SEC24D: variants seen among roughly 807,000 people sequenced by gnomAD.
SEC24D encodes the protein SEC24 homolog D, COPII component.
SEC24D carries 69 observed loss-of-function variants against 116.9 expected under a neutral mutation model. The observed-to-expected ratio is 0.59, with a 90% CI of 0.49 to 0.72. The LOEUF (loss-of-function observed/expected upper bound fraction) is 0.72. Ranked by LOEUF, SEC24D falls within the 30% of genes least tolerant of loss-of-function variation. The pLI, the probability that SEC24D is intolerant of heterozygous loss-of-function variation, is 0.00. For missense variants in SEC24D, 1,131 were observed against 1,264.1 expected (o/e 0.89, Z 1.60); for synonymous variants, 405 against 442.8 (o/e 0.91, Z 1.07).
At position 118,817,244 on chromosome 4, in the gene SEC24D, A is replaced by T; in HGVS notation, c.397+20T>A. The T allele has an allele frequency of 6.3e-7, 1 of 1,578,548 alleles. No homozygotes were observed. The highest frequency in any genetic ancestry group is 8.6e-7 in the Non-Finnish European group (1 of 1,166,058). Reference sequence around the variant, plus strand: ...CCAGGACACAAGGCAGTCAATAAACACTAATAATAAAACTATTACCATAGC... The same window carrying T: ...CCAGGACACAAGGCAGTCAATAAACTCTAATAATAAAACTATTACCATAGC... On this transcript the variant is annotated intron_variant, in intron 4 of 22. Coordinates refer to ENST00000280551, the MANE Select transcript of SEC24D (RefSeq NM_014822.4).
intron 2 of SEC24D, among the ~76,000 whole-genome samples, chr4:118,828,854 C>T (rs1397421292): frequency 2.0e-5 from 3 of 152,196 alleles, no homozygotes; most frequent in Non-Finnish European, 4.4e-5. Flanking sequence ...TCCCACATTC[C>T]CCCGCCAATG....
At chr4:118,832,138 G>C (rs1487582918) in intron 2 of SEC24D, among the ~76,000 whole-genome samples, 1 of 152,142 alleles carries the variant, frequency 6.6e-6, no homozygotes, top group East Asian at 1.9e-4. Flanking sequence ...AGGAGGCTGA[G>C]GCAGGAGAAT....
chr4:118,738,070 C>T (rs144440945), intron 19 of SEC24D, 191 bp downstream of exon 19: 80 of 495,746 alleles, frequency 1.6e-4, no homozygotes, highest in Non-Finnish European at 1.7e-4. Context: ...TTTTTGTTCA[C>T]ATTTTTAAAT....
intron 7 of SEC24D, among the ~76,000 whole-genome samples, chr4:118,799,937 G>C (rs1729355414): frequency 6.6e-6 from 1 of 151,710 alleles, no homozygotes; most frequent in Non-Finnish European, 1.5e-5. Flanking sequence ...GATGAGAGAA[G>C]GTTTTTTTTA....
chr4:118,820,740 C>T (rs1171058418), intron 3 of SEC24D, among the ~76,000 whole-genome samples: 2 of 151,794 alleles, frequency 1.3e-5, no homozygotes, highest in African/African-American at 4.8e-5. Context: ...TGTTGACTGC[C>T]TTTATTCAAC....
chr4:118,733,475 C>T (rs906713681), intron 19 of SEC24D, among the ~76,000 whole-genome samples: 13 of 152,060 alleles, frequency 8.5e-5, no homozygotes, highest in African/African-American at 3.1e-4. Flanking sequence ...TTCCGTTATG[C>T]TTTTCATGCA....
chr4:118,814,492 A>C (rs1488995603), intron 6 of SEC24D, among the ~76,000 whole-genome samples: 1 of 152,250 alleles, frequency 6.6e-6, no homozygotes, highest in East Asian at 1.9e-4. Flanking sequence ...TTTGCTATGC[A>C]GAATGGCCTT....
At position 118,728,596 on chromosome 4, in the gene SEC24D, C is replaced by T. The variant is rs908625513; in HGVS notation, c.2923G>A (p.Gly975Ser). Residue 975 changes from glycine to serine, a missense_variant, in exon 22 of 23, where the codon GGT becomes AGT. Coordinates refer to ENST00000280551, the MANE Select transcript of SEC24D (RefSeq NM_014822.4). The part of the protein sequence containing the change: ...PYSQQLRMIM[G>S]IIQQKRPYSM... ...TATGGCCTCTTTTGTTGGATAATAC[C>T]CATTATCATTCTGAGTTGTTGAGAG... 6.2e-7 allele frequency: 1 copy of T among 1,609,210 alleles called. No homozygotes were observed. Among genetic ancestry groups the T allele is most frequent in the Non-Finnish European group, 8.5e-7 (1 of 1,176,822 alleles).
intron 2 of SEC24D, among the ~76,000 whole-genome samples, chr4:118,825,076 T>C (rs1730544364): frequency 6.6e-6 from 1 of 152,044 alleles, no homozygotes; most frequent in Non-Finnish European, 1.5e-5. Flanking sequence ...AAACACGCAA[T>C]GAAAAATGGC....
intron 8 of SEC24D, among the ~76,000 whole-genome samples, chr4:118,790,641 A>G (rs1053580752): frequency 1.3e-5 from 2 of 151,964 alleles, no homozygotes; most frequent in East Asian, 3.9e-4. Context: ...GACAACATAG[A>G]TATATCCCTG....
Position 118,745,062 on chromosome 4 carries a change from TAAA to T in SEC24D, c.1708-5_1708-3del, listed in dbSNP as rs35951660. 832 of 1,228,152 alleles carry T rather than the reference TAAA, an allele frequency of 6.8e-4. No homozygotes were observed. Among genetic ancestry groups the T allele is most frequent in the Non-Finnish European group, 7.6e-4 (687 of 903,562 alleles). The allele number at this position is 1,228,152 out of a possible 1,614,324, so 76.1% of individuals were successfully genotyped here. A position where few individuals can be genotyped will look rare whatever the true frequency, so the allele number is the denominator to read the frequency against. Reference sequence around the variant, plus strand: ...CAGCTTCCCAGGACAGTCTGCTGCCTAAAAAAAAAAAAAAACCCAAAAACCCAC... The same window carrying T: ...CAGCTTCCCAGGACAGTCTGCTGCCTAAAAAAAAAAAACCCAAAAACCCAC... On this transcript the variant is annotated splice_region_variant and splice_polypyrimidine_tract_variant and intron_variant, in intron 13 of 22. Transcript: ENST00000280551.
chr4:118,801,672 G>A (rs1245112945), intron 7 of SEC24D, among the ~76,000 whole-genome samples: 5 of 152,124 alleles, frequency 3.3e-5, no homozygotes, highest in African/African-American at 1.2e-4. Context: ...AAATATTGAA[G>A]CTGGATATTT....
chr4:118,805,280 C>A (rs767349151), intron 7 of SEC24D, among the ~76,000 whole-genome samples: 1 of 152,144 alleles, frequency 6.6e-6, no homozygotes, highest in Non-Finnish European at 1.5e-5. Context: ...ATGGTATATT[C>A]AGAATCTCAG....
At chr4:118,779,577 GTC>G (rs1198900916) in intron 8 of SEC24D, among the ~76,000 whole-genome samples, 1 of 152,140 alleles carries the variant, frequency 6.6e-6, no homozygotes, top group African/African-American at 2.4e-5. Context: ...TTTTTGTTGT[GTC>G]TCTGTCAGGC....
intron 17 of SEC24D, 98 bp downstream of exon 17, chr4:118,740,565 T>A: frequency 7.4e-7 from 1 of 1,344,710 alleles, no homozygotes; most frequent in Non-Finnish European, 1.0e-6. Flanking sequence ...AATTTTTTTA[T>A]GAAGAGACTA....
Position 118,817,157 on chromosome 4 carries a change from A to C in SEC24D, c.397+107T>G, listed in dbSNP as rs140796684. Reference sequence around the variant, plus strand: ...TTAAAAATGTCCAAATACTACTTCAACACAGTATGCCCTAGTTACATCTAT... The same window carrying C: ...TTAAAAATGTCCAAATACTACTTCACCACAGTATGCCCTAGTTACATCTAT... On this transcript the variant is annotated intron_variant, in intron 4 of 22. Coordinates refer to ENST00000280551, the MANE Select transcript of SEC24D (RefSeq NM_014822.4). 229 of 892,718 alleles carry C rather than the reference A, an allele frequency of 2.6e-4. 1 individual carries two copies. In the East Asian group the frequency reaches 5.8e-3, roughly 23 times the overall value. 55.3% of individuals were successfully genotyped at this position (892,718 alleles called of 1,614,324 possible).
At chr4:118,820,997 T>C (rs1005164933) in intron 3 of SEC24D, among the ~76,000 whole-genome samples, 8 of 152,164 alleles carry the variant, frequency 5.3e-5, no homozygotes, top group East Asian at 1.9e-4. Flanking sequence ...ACACTCCCCA[T>C]ATTCAAGTTT....
chr4:118,826,893 C>G (rs546323567), intron 2 of SEC24D, among the ~76,000 whole-genome samples: 1 of 152,068 alleles, frequency 6.6e-6, no homozygotes, highest in African/African-American at 2.4e-5. Context: ...ATTTAAGGTG[C>G]CTTTGAGCCA....
chr4:118,740,631 A>G, intron 17 of SEC24D, 32 bp downstream of exon 17: 1 of 1,607,790 alleles, frequency 6.2e-7, no homozygotes, highest in Non-Finnish European at 8.5e-7. Context: ...ACAAACTAAA[A>G]TAACGAAAGG....
Sources: allele counts gnomAD v4.1 joint callset (sites outside exome capture counted in the v4.1 genomes callset), GRCh38; gene constraint gnomAD v4.1.1; transcripts MANE v1.5; gene names NCBI Gene and HGNC (gene_info 2026-07-23, HGNC 2026-07-21).